CAMTA1: variants seen among roughly 807,000 people sequenced by gnomAD.
CAMTA1 encodes calmodulin-binding transcription activator 1.
Under a neutral mutation model 170.9 loss-of-function variants are expected in CAMTA1, and 27 were observed. The observed-to-expected ratio is 0.16, with a 90% CI of 0.12 to 0.22. The LOEUF is 0.22. CAMTA1 is among the 10% of genes least tolerant of loss of function. The pLI is 1.00. For missense variants in CAMTA1, 1,619 were observed against 2,217.2 expected (o/e 0.73, Z 5.42); for synonymous variants, 833 against 891.5 (o/e 0.93, Z 1.17).
intron 5 of CAMTA1, among the ~76,000 whole-genome samples, chr1:7,424,269 A>G (rs912527960): frequency 2.0e-5 from 3 of 152,098 alleles, no homozygotes; most frequent in Non-Finnish European, 4.4e-5. Context: ...ACATCAATAG[A>G]CATTTTTTAA....
At chr1:7,497,467 A>G (rs1300603536) in intron 6 of CAMTA1, among the ~76,000 whole-genome samples, 2 of 152,234 alleles carry the variant, frequency 1.3e-5, no homozygotes, top group East Asian at 1.9e-4. Flanking sequence ...TCTAGAGAAC[A>G]GGAATGACAT....
intron 1 of CAMTA1, among the ~76,000 whole-genome samples, chr1:6,817,997 A>C (rs1168625755): frequency 6.6e-6 from 1 of 152,176 alleles, no homozygotes; most frequent in Non-Finnish European, 1.5e-5. Flanking sequence ...GGGAGAGGAA[A>C]ATTAATAATT....
chr1:6,801,779 G>C (rs1205488742), intron 1 of CAMTA1, among the ~76,000 whole-genome samples: 4 of 151,620 alleles, frequency 2.6e-5, no homozygotes, highest in African/African-American at 9.7e-5. Flanking sequence ...CAAGGTGGGA[G>C]GCTGTGCCTT....
chr1:7,390,293 C>G (rs1247019346), intron 5 of CAMTA1, among the ~76,000 whole-genome samples: 1 of 152,230 alleles, frequency 6.6e-6, no homozygotes, highest in Non-Finnish European at 1.5e-5. Flanking sequence ...CCTGCCTTCT[C>G]TAAGCATCTG....
intron 5 of CAMTA1, among the ~76,000 whole-genome samples, chr1:7,361,393 G>A (rs1294840719): frequency 6.6e-6 from 1 of 152,172 alleles, no homozygotes; most frequent in Non-Finnish European, 1.5e-5. Flanking sequence ...GAAGTTGGTG[G>A]CCAGGAAAAG....
At chr1:7,649,914 C>T (rs1308637593) in intron 7 of CAMTA1, among the ~76,000 whole-genome samples, 1 of 152,236 alleles carries the variant, frequency 6.6e-6, no homozygotes, top group Non-Finnish European at 1.5e-5. Flanking sequence ...TCATTGCCAA[C>T]ATTCAAATCT....
At chr1:6,904,995 C>T (rs1369611333) in intron 3 of CAMTA1, among the ~76,000 whole-genome samples, 1 of 151,982 alleles carries the variant, frequency 6.6e-6, no homozygotes, top group East Asian at 1.9e-4. Flanking sequence ...TGCTGTGTGT[C>T]CTGAGGCCAG....
intron 5 of CAMTA1, among the ~76,000 whole-genome samples, chr1:7,316,064 G>A (rs556072690): frequency 4.6e-5 from 7 of 152,276 alleles, no homozygotes; most frequent in African/African-American, 1.4e-4. Flanking sequence ...AGCAATGGGA[G>A]AAGAGCCCCT....
At chr1:7,374,013 C>A (rs2086667582) in intron 5 of CAMTA1, among the ~76,000 whole-genome samples, 1 of 152,184 alleles carries the variant, frequency 6.6e-6, no homozygotes, top group African/African-American at 2.4e-5. Flanking sequence ...CAAGAAGGAT[C>A]CTGACTGGTG....
chr1:7,604,900 T>A (rs1158132699), intron 6 of CAMTA1, among the ~76,000 whole-genome samples: 1 of 152,234 alleles, frequency 6.6e-6, no homozygotes. Flanking sequence ...CTTCTAACAG[T>A]CAGGACCCTC....
chr1:7,689,786 CCT>C (rs2096290781), intron 11 of CAMTA1, among the ~76,000 whole-genome samples: 1 of 152,178 alleles, frequency 6.6e-6, no homozygotes, highest in African/African-American at 2.4e-5. Context: ...TGCTCTCCTC[CCT>C]CTGTCTGCCT....
chr1:6,941,149 C>T (rs1394904333), intron 3 of CAMTA1, among the ~76,000 whole-genome samples: 2 of 152,104 alleles, frequency 1.3e-5, no homozygotes, highest in Non-Finnish European at 2.9e-5. Flanking sequence ...TTTCCCTCGT[C>T]CTGTCTGCTG....
At chr1:7,660,279 C>T (rs1228005357) in intron 7 of CAMTA1, among the ~76,000 whole-genome samples, 1 of 152,224 alleles carries the variant, frequency 6.6e-6, no homozygotes, top group East Asian at 1.9e-4. Context: ...GTTGGTCAGG[C>T]TGGTCTCAAA....
chr1:7,240,403 GA>G lies in CAMTA1; in HGVS notation c.303-9087del, dbSNP rs146496635. On this transcript the variant is annotated intron_variant, in intron 4 of 22. Coordinates refer to ENST00000303635, the MANE Select transcript of CAMTA1 (RefSeq NM_015215.4). ...TGAGCAATTAGTTTTTTGTTTGTTTGAGGACTATTATGAACTCATAGATTTA... is the reference window on the plus strand; with the variant it reads ...TGAGCAATTAGTTTTTTGTTTGTTTGGGACTATTATGAACTCATAGATTTA... Among the ~76,000 whole-genome samples, 546 of 152,036 alleles carry G rather than the reference GA, an allele frequency of 3.6e-3. 4 individuals are homozygous for G. Among genetic ancestry groups the G allele is most frequent in the African/African-American group, 0.013 (535 of 41,480 alleles).
At chr1:7,398,575 T>C (rs2089629771) in intron 5 of CAMTA1, among the ~76,000 whole-genome samples, 1 of 152,066 alleles carries the variant, frequency 6.6e-6, no homozygotes, top group Non-Finnish European at 1.5e-5. Context: ...CTGTATCTTT[T>C]ACCTGGGAAA....
intron 4 of CAMTA1, among the ~76,000 whole-genome samples, chr1:7,154,045 G>A (rs574418702): frequency 1.4e-4 from 22 of 152,312 alleles, no homozygotes; most frequent in Non-Finnish European, 2.6e-4. Context: ...GGATGAGCAG[G>A]GCCCTGGAAT....
intron 6 of CAMTA1, among the ~76,000 whole-genome samples, chr1:7,555,437 A>G (rs1365893849): frequency 6.6e-6 from 1 of 151,644 alleles, no homozygotes; most frequent in East Asian, 1.9e-4. Flanking sequence ...ACCTGTGGCC[A>G]CCCCACAGCC....
rs533313096 is a variant in CAMTA1, at chr1:7,559,534, C to T, written c.511-80866C>T. ...AGAGGGAAGCGGGGAGCCTGCCTGC[C>T]GACTTGGTGTTTTCACGCCGAGCAC... On this transcript the variant is annotated intron_variant, in intron 6 of 22. Transcript: ENST00000303635. Among the ~76,000 whole-genome samples, 10 of 152,338 alleles carry T rather than the reference C, an allele frequency of 6.6e-5. No homozygotes were observed. In the East Asian group the frequency reaches 1.5e-3, roughly 24 times the overall value.
rs2093147559 is a variant in CAMTA1 at position 7,463,766 on chromosome 1, T to C, written c.439-4064T>C. Among the ~76,000 whole-genome samples, 1 of 152,188 alleles carries C rather than the reference T, an allele frequency of 6.6e-6. No homozygotes were observed. Among genetic ancestry groups the C allele is most frequent in the Admixed American group, 6.5e-5 (1 of 15,282 alleles). On this transcript the variant is annotated intron_variant, in intron 5 of 22. Transcript: ENST00000303635. This position sits in a 1 kb window ranked among gnomAD's most constrained non-coding sequence, Gnocchi z 4.7. ...GAGGTGCCCACAACATACCAACCTA[T>C]AAGTGATGTGCTTCCTTCTTGGGCC...
Sources: allele counts gnomAD v4.1 joint callset (sites outside exome capture counted in the v4.1 genomes callset), GRCh38; gene constraint gnomAD v4.1.1; non-coding constraint Gnocchi (gnomAD v3.1); transcripts MANE v1.5; gene names NCBI Gene and HGNC (gene_info 2026-07-23, HGNC 2026-07-21).